Variants in ZNF737 observed in about 807,000 individuals in gnomAD.
ZNF737 encodes zinc finger protein 737.
ZNF737 carries 13 observed loss-of-function variants against 11.7 expected under a neutral mutation model. The ratio of observed to expected loss-of-function variants is 1.11; its 90% CI spans 0.73 to 1.77. ZNF737 has a LOEUF of 1.77. ZNF737 is among the 40% of genes most tolerant of loss of function. The pLI, the probability that ZNF737 is intolerant of heterozygous loss-of-function variation, is 0.00. For synonymous variants in ZNF737, 217 were observed against 216.2 expected, an observed-to-expected ratio of 1.00 and a Z score of -0.03; for missense variants, 636 against 638.0, an observed-to-expected ratio of 1.00 and a Z score of 0.03.
chr19:20,549,454 C>A (rs1357533005), intron 3 of ZNF737, among the ~76,000 whole-genome samples: 1 of 152,020 alleles, frequency 6.6e-6, no homozygotes, highest in African/African-American at 2.4e-5. Context: ...ATAGTGAAAC[C>A]CCATCTCTGC....
At chr19:20,531,265 G>A (rs1218835807), downstream of ZNF737, among the ~76,000 whole-genome samples, 1 of 133,304 alleles carries the variant, frequency 7.5e-6, no homozygotes. Flanking sequence ...GGGGAGAGGG[G>A]AGGGGAGAGG....
At chr19:20,564,098 G>C (rs1277451626) in intron 1 of ZNF737, 1 of 151,986 alleles carries the variant, frequency 6.6e-6, no homozygotes, top group Non-Finnish European at 1.5e-5. Flanking sequence ...CCCAGGAGGT[G>C]GAGGCTGCAG....
At chr19:20,551,450 A>AG (rs1968667933) in intron 3 of ZNF737, among the ~76,000 whole-genome samples, 1 of 147,988 alleles carries the variant, frequency 6.8e-6, no homozygotes, top group African/African-American at 2.5e-5. Flanking sequence ...AAAAAAAAAA[A>AG]GAAAGAAAGA....
rs1968477602 is a variant in ZNF737 at position 20,547,037 on chromosome 19, G to A, written c.227-1061C>T. On this transcript the variant is annotated intron_variant, in intron 3 of 3. Transcript: ENST00000427401. ...ACTCTACAACATATTCTTGCTCAGG[G>A]GGCAAAAAATTTTATTTTTCAAAGT... Among the ~76,000 whole-genome samples, 4 of 152,048 alleles carry A rather than the reference G, an allele frequency of 2.6e-5. No individual in the cohort carries two copies. The South Asian group carries it at 6.3e-4, about 24-fold the overall frequency.
chr19:20,537,854 C>T (rs73010512), downstream of ZNF737: 10,795 of 164,508 alleles, frequency 0.066, 418 homozygotes, highest in Middle Eastern at 0.15. Context: ...TAAAATTCTT[C>T]GCTAAGAAGA....
At position 20,540,049 on chromosome 19, in the gene ZNF737, G is replaced by A. The variant is rs1968137896; in HGVS notation, c.*4543C>T. On this transcript the variant is annotated 3_prime_UTR_variant, in exon 4 of 4. Transcript: ENST00000427401. Reference sequence around the variant, plus strand: ...AGGTGATTATTTCTTGAATGAATGAGATTCCCTTTTTTTTCCCTCTGCCAT... The same window carrying A: ...AGGTGATTATTTCTTGAATGAATGAAATTCCCTTTTTTTTCCCTCTGCCAT... The A allele has an allele frequency of 1.0e-6, 1 of 985,274 alleles. No individual in the cohort carries two copies. Among genetic ancestry groups the A allele is most frequent in the Admixed American group, 6.1e-5 (1 of 16,262 alleles). 61.0% of individuals were successfully genotyped at this position (985,274 alleles called of 1,614,324 possible). A position where few individuals can be genotyped will look rare whatever the true frequency, so the allele number is the denominator to read the frequency against.
In ZNF737 at chr19:20,540,937, TC is replaced by T; in HGVS notation, c.*3654del. The T allele has an allele frequency of 1.0e-6, 1 of 974,802 alleles. No individual in the cohort carries two copies. The highest frequency in any genetic ancestry group is 1.2e-6 in the Non-Finnish European group (1 of 820,312). 60.4% of individuals were successfully genotyped at this position (974,802 alleles called of 1,614,324 possible). ...ACACACATAGAACAATAAAAATATA[TC>T]CAATTATTCAATTTTGGTTGAATGT... On this transcript the variant is annotated 3_prime_UTR_variant, in exon 4 of 4. Coordinates refer to ENST00000427401, the MANE Select transcript of ZNF737 (RefSeq NM_001159293.2).
chr19:20,565,548 G>A, intron 1 of ZNF737, 90 bp downstream of exon 1: 1 of 1,598,698 alleles, frequency 6.3e-7, no homozygotes, highest in Non-Finnish European at 8.6e-7. Context: ...GGAGCTGACT[G>A]CGCAGAGGCC....
chr19:20,542,241 T>G lies in ZNF737; in HGVS notation c.*2351A>C. 1 of 970,182 alleles carries G rather than the reference T, an allele frequency of 1.0e-6. No individual in the cohort carries two copies. The highest frequency in any genetic ancestry group is 1.2e-6 in the Non-Finnish European group (1 of 816,314). The allele number at this position is 970,182 out of a possible 1,614,324, so 60.1% of individuals were successfully genotyped here. Reference sequence around the variant, plus strand: ...ACAAATAATCTAACAAACTTTTTTTTTTTTGAGACAGAGTTTTGCTCTTGT... The same window carrying G: ...ACAAATAATCTAACAAACTTTTTTTGTTTTGAGACAGAGTTTTGCTCTTGT... On this transcript the variant is annotated 3_prime_UTR_variant, in exon 4 of 4. Coordinates refer to ENST00000427401, the MANE Select transcript of ZNF737 (RefSeq NM_001159293.2).
chr19:20,560,783 A>G (rs1363098602), intron 1 of ZNF737, among the ~76,000 whole-genome samples: 1 of 152,012 alleles, frequency 6.6e-6, no homozygotes, highest in Non-Finnish European at 1.5e-5. Context: ...TCCGTCTCCA[A>G]AAAAAAAGAA....
Position 20,543,135 on chromosome 19 carries a change from T to C in ZNF737, c.*1457A>G. 1.0e-6 allele frequency: 1 copy of C among 956,572 alleles called. No individual in the cohort carries two copies. The highest frequency in any genetic ancestry group is 1.2e-6 in the Non-Finnish European group (1 of 803,926). The allele number at this position is 956,572 out of a possible 1,614,324, so 59.3% of individuals were successfully genotyped here. A position where few individuals can be genotyped will look rare whatever the true frequency, so the allele number is the denominator to read the frequency against. On this transcript the variant is annotated 3_prime_UTR_variant, in exon 4 of 4. Transcript: ENST00000427401. ...CTATTTTGAATTAAATATTTTTTAA[T>C]ATTTACTGCATCTGCAAAATTATAT...
At chr19:20,530,772 C>T in the ZNF737 span, among the ~76,000 whole-genome samples, 14 of 147,822 alleles carry the variant, frequency 9.5e-5, no homozygotes, top group Non-Finnish European at 1.3e-4. Flanking sequence ...GGGCTCCTCA[C>T]ATCCCAGATG....
chr19:20,550,632 G>A (rs567197576), intron 3 of ZNF737, among the ~76,000 whole-genome samples: 1 of 152,294 alleles, frequency 6.6e-6, no homozygotes, highest in East Asian at 1.9e-4. Context: ...ACTCACACCT[G>A]TAATGACAGC....
At chr19:20,552,874 C>T (rs1307569583) in intron 2 of ZNF737, among the ~76,000 whole-genome samples, 2 of 151,720 alleles carry the variant, frequency 1.3e-5, no homozygotes, top group South Asian at 2.1e-4. Context: ...TAGCCAAACA[C>T]GGTGACTTGC....
In ZNF737 at chr19:20,543,783, A is replaced by T; in HGVS notation, c.*809T>A. On this transcript the variant is annotated 3_prime_UTR_variant, in exon 4 of 4. Transcript: ENST00000427401. Reference sequence around the variant, plus strand: ...TCGTAAAAGCAATGTCACATTTTTTAGCTTTGCGGATTTCCTCTTCAACAT... The same window carrying T: ...TCGTAAAAGCAATGTCACATTTTTTTGCTTTGCGGATTTCCTCTTCAACAT... 1.0e-6 allele frequency: 1 copy of T among 985,446 alleles called. No individual in the cohort carries two copies. Among genetic ancestry groups the T allele is most frequent in the Non-Finnish European group, 1.2e-6 (1 of 829,944 alleles). 61.0% of individuals were successfully genotyped at this position (985,446 alleles called of 1,614,324 possible). A position where few individuals can be genotyped will look rare whatever the true frequency, so the allele number is the denominator to read the frequency against.
rs1375774042 is a variant in ZNF737, at chr19:20,542,741, GTTC to G, written c.*1848_*1850del. On this transcript the variant is annotated 3_prime_UTR_variant, in exon 4 of 4. Coordinates refer to ENST00000427401, the MANE Select transcript of ZNF737 (RefSeq NM_001159293.2). ...TTCATTATGCGTCTTACATTTTAAT[GTTC>G]TTACTATTTTATAGAAAAAGTCATA... 36 of 984,176 alleles carry G rather than the reference GTTC, an allele frequency of 3.7e-5. No homozygotes were observed. Among genetic ancestry groups the G allele is most frequent in the South Asian group, 4.7e-5 (1 of 21,266 alleles). 61.0% of individuals were successfully genotyped at this position (984,176 alleles called of 1,614,324 possible).
rs1470086937 is a variant in ZNF737 at position 20,539,952 on chromosome 19, A to G, written c.*4640T>C. 1.4e-5 allele frequency: 14 copies of G among 984,982 alleles called. No individual in the cohort carries two copies. The highest frequency in any genetic ancestry group is 6.2e-5 in the Admixed American group (1 of 16,212). The allele number at this position is 984,982 out of a possible 1,614,324, so 61.0% of individuals were successfully genotyped here. ...ATAATGCCAGTGAGCACTTTTACCC[A>G]GGTTACCTTTTTCCTCCCATTAATG... On this transcript the variant is annotated 3_prime_UTR_variant, in exon 4 of 4. Coordinates refer to ENST00000427401, the MANE Select transcript of ZNF737 (RefSeq NM_001159293.2).
Position 20,542,160 on chromosome 19 carries a change from G to T in ZNF737, c.*2432C>A. 1 of 984,778 alleles carries T rather than the reference G, an allele frequency of 1.0e-6. No individual in the cohort carries two copies. Among genetic ancestry groups the T allele is most frequent in the Non-Finnish European group, 1.2e-6 (1 of 829,640 alleles). 61.0% of individuals were successfully genotyped at this position (984,778 alleles called of 1,614,324 possible). On this transcript the variant is annotated 3_prime_UTR_variant, in exon 4 of 4. Transcript: ENST00000427401. ...GGGATACAGTTAGTGGCACAATAAT[G>T]GTTCATTAAACGCACGGTAGTCTTA...
At position 20,544,694 on chromosome 19, in the gene ZNF737, A is replaced by G. The variant is rs782150189; in HGVS notation, c.1509T>C (p.His503=). The G allele has an allele frequency of 5.6e-6, 9 of 1,607,136 alleles. No individual in the cohort carries two copies. The highest frequency in any genetic ancestry group is 6.8e-6 in the Non-Finnish European group (8 of 1,177,590). Residue 503 remains histidine (H), a synonymous_variant, in exon 4 of 4, where the codon CAT becomes CAC. Coordinates refer to ENST00000427401, the MANE Select transcript of ZNF737 (RefSeq NM_001159293.2). ...SFILTRHKRI[H]TGEKPYKCEE... is the part of the protein sequence containing the mutation. The stretch of plus-strand genomic sequence containing the variant: ...CACATTTGTAGGGTTTCTCTCCAGT[A>G]TGAATTCTCTTATGTCTAGTAAGGA...
Sources: gnomAD v4.1 joint callset for allele counts (sites outside exome capture counted in the v4.1 genomes callset) on GRCh38, gnomAD v4.1.1 for gene constraint, MANE v1.5 for transcripts, NCBI Gene and HGNC (gene_info 2026-07-23, HGNC 2026-07-21) for gene names.